The following NDUFA9 variants were observed in gnomAD, a reference collection of about 807,000 sequenced individuals.
NDUFA9 encodes the protein NADH dehydrogenase [ubiquinone] 1 alpha subcomplex subunit 9, mitochondrial.
In NDUFA9, 23 loss-of-function variants were observed where a neutral mutation model predicts 45.9. The observed-to-expected ratio is 0.50, with a 90% CI of 0.36 to 0.71. The LOEUF is 0.71. Ranked by LOEUF, NDUFA9 falls within the 30% of genes least tolerant of loss-of-function variation. The pLI is 0.00. For missense variants in NDUFA9, 466 were observed against 488.2 expected (o/e 0.95, Z 0.43); for synonymous variants, 176 against 170.5 (o/e 1.03, Z -0.25).
chr12:4,685,259 A>G lies in NDUFA9; in HGVS notation c.897A>G (p.Arg299=), dbSNP rs1338561074. 4 of 1,612,788 alleles carry G rather than the reference A, an allele frequency of 2.5e-6. No homozygotes were observed. Among genetic ancestry groups the G allele is most frequent in the Non-Finnish European group, 8.5e-7 (1 of 1,178,786 alleles). Residue 299 remains arginine (R), a splice_region_variant and synonymous_variant, in exon 10 of 11, where the codon CGA becomes CGG. Transcript: ENST00000266544. The part of the protein sequence containing the change: ...LPFPLPLFAY[R]WVARVFEISP... The stretch of plus-strand genomic sequence containing the variant: ...GTGCTATATGTATTTCTCTTTCCAG[A>G]TGGGTAGCAAGAGTCTTTGAAATAA...
At chr12:4,677,234 G>A (rs1945925354) in intron 8 of NDUFA9, among the ~76,000 whole-genome samples, 1 of 152,200 alleles carries the variant, frequency 6.6e-6, no homozygotes, top group African/African-American at 2.4e-5. Flanking sequence ...TCAGGACATA[G>A]GCATGGGCAA....
At chr12:4,669,858 A>G (rs1378378456) in intron 8 of NDUFA9, 41 bp downstream of exon 8, 4 of 1,402,796 alleles carry the variant, frequency 2.9e-6, no homozygotes, top group South Asian at 1.2e-5. Flanking sequence ...TGCTATTATA[A>G]TGAAGGAATC....
chr12:4,663,321 A>G (rs1459212571), intron 6 of NDUFA9, among the ~76,000 whole-genome samples: 1 of 152,180 alleles, frequency 6.6e-6, no homozygotes. Flanking sequence ...GTGGCAAAAT[A>G]TACATAGTAT....
Position 4,685,325 on chromosome 12 carries a change from GGTGAGTACATGT to G in NDUFA9, c.963+4_963+15del. ...GGATAACAAGGGATAAAGTGGAGCG[GGTGAGTACATGT>G]GTGGAAAGCGTCTGCCTGGGCAGAT... is the stretch of plus-strand genomic sequence containing the variant. On this transcript the variant is annotated splice_donor_variant and splice_donor_5th_base_variant and intron_variant, in intron 10 of 10. Transcript: ENST00000266544. LOFTEE classifies it high-confidence loss of function. 1 of 1,613,070 alleles carries G rather than the reference GGTGAGTACATGT, an allele frequency of 6.2e-7. No individual in the cohort carries two copies. The highest frequency in any genetic ancestry group is 8.5e-7 in the Non-Finnish European group (1 of 1,179,064).
intron 1 of NDUFA9, among the ~76,000 whole-genome samples, chr12:4,651,129 C>T (rs908617499): frequency 4.6e-5 from 7 of 151,986 alleles, no homozygotes; most frequent in Non-Finnish European, 8.8e-5. Flanking sequence ...CTACATAGAA[C>T]GTGCATATAA....
intron 8 of NDUFA9, among the ~76,000 whole-genome samples, chr12:4,670,128 CAA>C (rs1241917353): frequency 6.6e-6 from 1 of 152,090 alleles, no homozygotes; most frequent in African/African-American, 2.4e-5. Context: ...AAAACACAAA[CAA>C]AACACTTTTA....
Position 4,694,057 on chromosome 12 carries a change from A to G in NDUFA9, c.*6949A>G, listed in dbSNP as rs12301359. 1 of 152,120 alleles carries G rather than the reference A, an allele frequency of 6.6e-6. No homozygotes were observed. The highest frequency in any genetic ancestry group is 6.6e-5 in the Admixed American group (1 of 15,266). 9.4% of individuals were successfully genotyped at this position (152,120 alleles called of 1,614,324 possible). ...TCTGGAATCTAGACTCTGGACAAAG[A>G]CCCTTCCTTCCTGGCTGTTTGATTT... On this transcript the variant is annotated 3_prime_UTR_variant, in exon 11 of 11. Transcript: ENST00000266544.
chr12:4,661,992 AG>A (rs1415821008), intron 5 of NDUFA9, among the ~76,000 whole-genome samples: 1 of 152,176 alleles, frequency 6.6e-6, no homozygotes, highest in African/African-American at 2.4e-5. Flanking sequence ...GGAAGTAGAA[AG>A]GAAGACTGAA....
intron 8 of NDUFA9, among the ~76,000 whole-genome samples, chr12:4,673,154 CAGAAA>C (rs1372608279): frequency 6.6e-6 from 1 of 152,176 alleles, no homozygotes; most frequent in Non-Finnish European, 1.5e-5. Context: ...AACTAACAAA[CAGAAA>C]AGAATAGTAT....
intron 4 of NDUFA9, 35 bp downstream of exon 4, chr12:4,657,874 GTCTT>G (rs1020551349): frequency 4.6e-6 from 7 of 1,530,100 alleles, no homozygotes; most frequent in Non-Finnish European, 5.4e-6. Context: ...CTTTGCTTAA[GTCTT>G]TCTTAGGGTT....
At position 4,688,239 on chromosome 12, in the gene NDUFA9, T is replaced by C. The variant is rs114205247; in HGVS notation, c.*1131T>C. ...CTCACACCTGTAATCCCAACGCTTT[T>C]GAGTTGCTGTGGTGGGACGGTCGCT... On this transcript the variant is annotated 3_prime_UTR_variant, in exon 11 of 11. Transcript: ENST00000266544. 7.1e-3 allele frequency: 1,086 copies of C among 152,246 alleles called. 9 individuals carry two copies. Among genetic ancestry groups the C allele is most frequent in the African/African-American group, 0.025 (1,045 of 41,532 alleles). 9.4% of individuals were successfully genotyped at this position (152,246 alleles called of 1,614,324 possible). A position where few individuals can be genotyped will look rare whatever the true frequency, so the allele number is the denominator to read the frequency against.
intron 8 of NDUFA9, among the ~76,000 whole-genome samples, chr12:4,678,423 T>G (rs1458811573): frequency 1.3e-5 from 2 of 152,142 alleles, no homozygotes; most frequent in Non-Finnish European, 2.9e-5. Context: ...AAAAGCCTAT[T>G]TCATAAAATA....
intron 6 of NDUFA9, among the ~76,000 whole-genome samples, chr12:4,663,122 C>T (rs1479520299): frequency 6.6e-6 from 1 of 152,068 alleles, no homozygotes; most frequent in African/African-American, 2.4e-5. Flanking sequence ...TAGCAATATG[C>T]ATTTAAGGTT....
chr12:4,654,492 C>A (rs748781226), intron 2 of NDUFA9, 30 bp downstream of exon 2: 1 of 1,608,400 alleles, frequency 6.2e-7, no homozygotes, highest in Non-Finnish European at 8.5e-7. Context: ...TTCATATGCT[C>A]CATTGCCATT....
At chr12:4,669,342 C>T (rs1945872456) in intron 7 of NDUFA9, among the ~76,000 whole-genome samples, 1 of 152,134 alleles carries the variant, frequency 6.6e-6, no homozygotes, top group South Asian at 2.1e-4. Context: ...AGCCTAATAG[C>T]TTGTGATGGT....
intron 1 of NDUFA9, among the ~76,000 whole-genome samples, chr12:4,651,436 T>C (rs1427864645): frequency 6.6e-6 from 1 of 152,124 alleles, no homozygotes; most frequent in Non-Finnish European, 1.5e-5. Flanking sequence ...AACTGTGAGC[T>C]TCATGAAGCC....
At chr12:4,676,541 A>G (rs1385279906) in intron 8 of NDUFA9, among the ~76,000 whole-genome samples, 1 of 152,238 alleles carries the variant, frequency 6.6e-6, no homozygotes, top group Non-Finnish European at 1.5e-5. Context: ...ACTTTCATTC[A>G]CAATTGCTAC....
chr12:4,658,736 TA>T (rs557500762), intron 4 of NDUFA9, among the ~76,000 whole-genome samples: 10 of 152,258 alleles, frequency 6.6e-5, no homozygotes, highest in African/African-American at 2.2e-4. Context: ...AATTTTAGCT[TA>T]AAAAAATTAA....
intron 1 of NDUFA9, chr12:4,653,705 C>CTTT (rs200108366): frequency 8.0e-5 from 27 of 336,030 alleles, no homozygotes; most frequent in South Asian, 2.1e-4. Flanking sequence ...GAACTGCATT[C>CTTT]TTTTTTTTTT....
Sources: gnomAD v4.1 joint callset for allele counts (sites outside exome capture counted in the v4.1 genomes callset) on GRCh38, gnomAD v4.1.1 for gene constraint, MANE v1.5 for transcripts, NCBI Gene and HGNC (gene_info 2026-07-23, HGNC 2026-07-21) for gene names.